Variants in ANK3 observed in about 807,000 individuals in gnomAD.
ANK3 encodes the protein ankyrin 3.
In ANK3, 57 loss-of-function variants were observed where a neutral mutation model predicts 370.9. The observed-to-expected ratio is 0.15, with a 90% CI of 0.12 to 0.19. The LOEUF (loss-of-function observed/expected upper bound fraction) is 0.19. ANK3 is among the 10% of genes least tolerant of loss of function. The probability of loss-of-function intolerance (pLI) is 1.00; values close to 1 mark genes in which losing one functional copy is unlikely to be tolerated. For synonymous variants in ANK3, 1,929 were observed against 1,946.3 expected, an observed-to-expected ratio of 0.99 and a Z score of 0.23; for missense variants, 4,439 against 5,302.1, an observed-to-expected ratio of 0.84 and a Z score of 5.06.
intron 7 of ANK3, among the ~76,000 whole-genome samples, chr10:60,245,125 C>T (rs1010843955): frequency 1.3e-5 from 2 of 151,920 alleles, no homozygotes; most frequent in African/African-American, 2.4e-5. Flanking sequence ...GCCGAGATTG[C>T]GCCACTGCAC....
chr10:60,580,682 T>A (rs904635834), intron 2 of ANK3, among the ~76,000 whole-genome samples: 6 of 145,558 alleles, frequency 4.1e-5, no homozygotes, highest in South Asian at 2.1e-4. Flanking sequence ...GTGTATAAAA[T>A]TTTTTTTTCA....
intron 1 of ANK3, among the ~76,000 whole-genome samples, chr10:60,363,982 T>G (rs10994317): frequency 0.18 from 22,607 of 123,310 alleles, 2,450 homozygotes; most frequent in African/African-American, 0.3. Flanking sequence ...TTTTTTTTTT[T>G]TTTTTTTTTT....
chr10:60,432,020 C>G (rs1299843738), intron 2 of ANK3, among the ~76,000 whole-genome samples: 1 of 152,112 alleles, frequency 6.6e-6, no homozygotes, highest in South Asian at 2.1e-4. Flanking sequence ...TTCAAAGAAG[C>G]CTAAAATGTG....
intron 2 of ANK3, among the ~76,000 whole-genome samples, chr10:60,559,559 A>G (rs1353820580): frequency 2.0e-5 from 3 of 152,194 alleles, no homozygotes; most frequent in African/African-American, 7.2e-5. Flanking sequence ...TCCCTATTTT[A>G]CAGAAACAAG....
At chr10:60,540,928 T>C (rs2133215233) in intron 2 of ANK3, among the ~76,000 whole-genome samples, 1 of 152,104 alleles carries the variant, frequency 6.6e-6, no homozygotes, top group South Asian at 2.1e-4. Context: ...CAACAGCATG[T>C]ATAAAGATAT....
chr10:60,546,142 C>G (rs1338060291), intron 2 of ANK3, among the ~76,000 whole-genome samples: 2 of 152,156 alleles, frequency 1.3e-5, no homozygotes, highest in Admixed American at 6.5e-5. Flanking sequence ...CTCAAGCAAT[C>G]CTCCCACTTC....
intron 1 of ANK3, among the ~76,000 whole-genome samples, chr10:60,635,292 T>C (rs1235549718): frequency 6.6e-6 from 1 of 152,214 alleles, no homozygotes; most frequent in Non-Finnish European, 1.5e-5. Flanking sequence ...CTTCTTCAGA[T>C]TTAATATCTA....
intron 1 of ANK3, among the ~76,000 whole-genome samples, chr10:60,634,337 TTA>T (rs1379144054): frequency 1.3e-5 from 2 of 152,316 alleles, no homozygotes; most frequent in East Asian, 3.9e-4. Flanking sequence ...ACCAACTTGT[TTA>T]TGATTTATAC....
chr10:60,303,126 AG>A (rs1465778819), intron 1 of ANK3, among the ~76,000 whole-genome samples: 2 of 152,224 alleles, frequency 1.3e-5, no homozygotes, highest in African/African-American at 2.4e-5. Flanking sequence ...ACAAGGCAAA[AG>A]TTCTCATAAC....
At chr10:60,527,318 C>T (rs996815977) in intron 2 of ANK3, among the ~76,000 whole-genome samples, 1 of 152,096 alleles carries the variant, frequency 6.6e-6, no homozygotes, top group East Asian at 1.9e-4. Context: ...ATCTCTTCAA[C>T]ATGCTTCATA....
intron 18 of ANK3, among the ~76,000 whole-genome samples, chr10:60,177,180 G>A (rs948648623): frequency 6.6e-6 from 1 of 152,146 alleles, no homozygotes; most frequent in Non-Finnish European, 1.5e-5. Context: ...CCTTTGGACA[G>A]CCCTCCTTTG....
Position 60,075,227 on chromosome 10 carries a change from G to T in ANK3, c.5654C>A (p.Ser1885Tyr). Reference sequence around the variant, plus strand: ...AGATGGTGTAGACAACTTAAGGGCAGAGGGTGCAAGGAACAAAGATGACTT... The same window carrying T: ...AGATGGTGTAGACAACTTAAGGGCATAGGGTGCAAGGAACAAAGATGACTT... ...PVKSSLFLAP[S>Y]ALKLSTPSSL... Residue 1885 changes from serine (S) to tyrosine (Y), a missense_variant, in exon 37 of 44, where the codon TCT (serine) becomes TAT (tyrosine). Physicochemically the swap from Ser to Tyr is moderately radical, Grantham distance 144 (BLOSUM62 -2). Transcript: ENST00000280772. 1 of 1,614,158 alleles carries T rather than the reference G, an allele frequency of 6.2e-7. No individual in the cohort carries two copies. Among genetic ancestry groups the T allele is most frequent in the South Asian group, 1.1e-5 (1 of 91,080 alleles).
intron 1 of ANK3, among the ~76,000 whole-genome samples, chr10:60,353,153 G>GTTTTTTTTTTTTTTTTTTTTTTTTT (rs1481181095): frequency 1.5e-5 from 2 of 135,844 alleles, no homozygotes; most frequent in Non-Finnish European, 1.6e-5. Flanking sequence ...GCTAATTTTT[G>GTTTTTTTTTTTTTTTTTTTTTTTTT]TTTTGTTTTT....
chr10:60,166,697 A>G (rs377614173), intron 22 of ANK3, 44 bp from the exon 23 acceptor site: 388 of 1,596,298 alleles, frequency 2.4e-4, no homozygotes, highest in Admixed American at 3.2e-4. Context: ...AAAAATACAT[A>G]CTCTTGATAT....
At chr10:60,214,056 C>T (rs10821703) in intron 8 of ANK3, among the ~76,000 whole-genome samples, 86,939 of 151,896 alleles carry the variant, frequency 0.57, 25,008 homozygotes, top group East Asian at 0.79. Context: ...AATCACCTGA[C>T]TGGATTATTA....
At chr10:60,354,867 T>C (rs933945729) in intron 1 of ANK3, among the ~76,000 whole-genome samples, 21 of 148,218 alleles carry the variant, frequency 1.4e-4, no homozygotes, top group South Asian at 2.1e-4. Context: ...AAAAATTTTC[T>C]TTTGTATTTT....
At chr10:60,486,013 G>A (rs1226277604) in intron 2 of ANK3, among the ~76,000 whole-genome samples, 2 of 152,230 alleles carry the variant, frequency 1.3e-5, no homozygotes, top group East Asian at 3.9e-4. Context: ...GGGTGCTTGA[G>A]AGCCTACTCA....
chr10:60,277,979 G>A (rs7069326), intron 4 of ANK3, among the ~76,000 whole-genome samples: 7,372 of 152,170 alleles, frequency 0.048, 605 homozygotes, highest in African/African-American at 0.17. Context: ...CTCAAATAAT[G>A]AATACTTGAA....
intron 7 of ANK3, among the ~76,000 whole-genome samples, chr10:60,237,282 G>T (rs966486929): frequency 9.2e-5 from 14 of 152,158 alleles, no homozygotes; most frequent in Admixed American, 2.0e-4. Flanking sequence ...ATGAATTCTA[G>T]AGCTGAGACA....
Sources: allele counts gnomAD v4.1 joint callset (sites outside exome capture counted in the v4.1 genomes callset), GRCh38; gene constraint gnomAD v4.1.1; transcripts MANE v1.5; gene names NCBI Gene and HGNC (gene_info 2026-07-23, HGNC 2026-07-21).